Variants in GINM1 observed in about 807,000 individuals in gnomAD.
GINM1 encodes glycosylated integral membrane protein 1, also known as glycoprotein integral membrane protein 1.
Under a neutral mutation model 37.8 loss-of-function variants are expected in GINM1, and 29 were observed. That is an observed-to-expected ratio of 0.77 (90% CI 0.57 to 1.05). The LOEUF (loss-of-function observed/expected upper bound fraction) is 1.05. GINM1 is among the 50% of genes least tolerant of loss of function. GINM1 has a pLI of 0.00. For missense variants in GINM1, 377 were observed against 397.9 expected, an observed-to-expected ratio of 0.95 and a Z score of 0.45; for synonymous variants, 143 against 146.2, an observed-to-expected ratio of 0.98 and a Z score of 0.16.
rs879585006 is a variant in GINM1, at chr6:149,570,188, A to G, written c.121-2097A>G. ...TATATATATATATATATATATATAT[A>G]TATATATATAAAGTTCAGTAACTTG... On this transcript the variant is annotated intron_variant, in intron 1 of 7. Coordinates refer to ENST00000367419, the MANE Select transcript of GINM1 (RefSeq NM_138785.5). Among the ~76,000 whole-genome samples the G allele has an allele frequency of 1.2e-3, 111 of 93,002 alleles. 11 individuals carry two copies. The highest frequency in any genetic ancestry group is 7.4e-3 in the Admixed American group (61 of 8,214). 61.0% of individuals were successfully genotyped at this position (93,002 alleles called of 152,430 possible).
At chr6:149,570,255 A>C (rs1010945598) in intron 1 of GINM1, among the ~76,000 whole-genome samples, 2 of 143,174 alleles carry the variant, frequency 1.4e-5, no homozygotes, top group Admixed American at 1.4e-4. Context: ...GAAGCTATAA[A>C]ATGGTTTCCT....
At chr6:149,572,242 G>A in intron 1 of GINM1, 43 bp from the exon 2 acceptor site, 1 of 1,202,438 alleles carries the variant, frequency 8.3e-7, no homozygotes, top group Non-Finnish European at 1.2e-6. Flanking sequence ...TTCTCAATCT[G>A]TGAGATGCAC....
At chr6:149,575,142 T>C (rs531637697) in intron 3 of GINM1, among the ~76,000 whole-genome samples, 1 of 152,320 alleles carries the variant, frequency 6.6e-6, no homozygotes, top group South Asian at 2.1e-4. Flanking sequence ...TGGTTGGAAT[T>C]TCAAGTTCCA....
At chr6:149,588,060 T>C (rs1040664284) in intron 7 of GINM1, among the ~76,000 whole-genome samples, 2 of 152,346 alleles carry the variant, frequency 1.3e-5, no homozygotes, top group Admixed American at 6.5e-5. Context: ...TAATTTCCAA[T>C]TTCATGTTAA....
intron 3 of GINM1, among the ~76,000 whole-genome samples, chr6:149,574,211 C>T (rs1000466032): frequency 1.5e-4 from 23 of 151,746 alleles, no homozygotes; most frequent in African/African-American, 3.9e-4. Context: ...CCACCATGCC[C>T]GGCTAATTTT....
At chr6:149,575,615 T>C (rs1224071448) in intron 3 of GINM1, among the ~76,000 whole-genome samples, 1 of 152,174 alleles carries the variant, frequency 6.6e-6, no homozygotes, top group Non-Finnish European at 1.5e-5. Context: ...TGGCTGTCTT[T>C]AGCTTCTGAT....
At chr6:149,572,629 A>G in intron 3 of GINM1, 26 bp downstream of exon 3, 1 of 1,248,446 alleles carries the variant, frequency 8.0e-7, no homozygotes, top group Non-Finnish European at 1.2e-6. Flanking sequence ...TTATTTCCAT[A>G]ATTGCTCTGT....
At chr6:149,570,143 TATATATATATATATATATATATATATATA>T (rs1777791037) in intron 1 of GINM1, among the ~76,000 whole-genome samples, 2 of 8,424 alleles carry the variant, frequency 2.4e-4, no homozygotes, top group African/African-American at 3.4e-4. Flanking sequence ...GTTTTATATA[TATATATATATATATATATATATATATATA>T]TATATATATA....
intron 7 of GINM1, among the ~76,000 whole-genome samples, chr6:149,585,686 G>A (rs532124221): frequency 1.3e-5 from 2 of 152,050 alleles, no homozygotes; most frequent in African/African-American, 2.4e-5. Flanking sequence ...TCCACCTCCC[G>A]GGTTCATGCC....
intron 6 of GINM1, chr6:149,582,090 C>T (rs1349032436): frequency 4.2e-6 from 2 of 476,784 alleles, no homozygotes; most frequent in Non-Finnish European, 8.7e-6. Flanking sequence ...TGCTCCATTT[C>T]GTTTATAATG....
In GINM1 at chr6:149,566,506, AGCC is replaced by A. The variant is rs1207728457; in HGVS notation, c.101_103del (p.Pro34del). On this transcript the variant is annotated inframe_deletion, in exon 1 of 8. Transcript: ENST00000367419. This position sits in a 1 kb window ranked among gnomAD's most constrained non-coding sequence, Gnocchi z 4.4. ...GGCTGGCTGACGACGGGCGCCCCCG[AGCC>A]GCCGCCGCTGTCCGGAGCCCCACAG... The A allele has an allele frequency of 2.6e-6, 4 of 1,533,230 alleles. No homozygotes were observed. Among genetic ancestry groups the A allele is most frequent in the Admixed American group, 2.0e-5 (1 of 50,970 alleles). The allele number at this position is 1,533,230 out of a possible 1,614,324, so 95.0% of individuals were successfully genotyped here. A position where few individuals can be genotyped will look rare whatever the true frequency, so the allele number is the denominator to read the frequency against.
chr6:149,580,749 TA>T (rs760959034), intron 6 of GINM1, 26 bp downstream of exon 6: 2 of 1,602,958 alleles, frequency 1.2e-6, no homozygotes, highest in Middle Eastern at 3.3e-4. Context: ...GGTGTTATCA[TA>T]AGCATTCATG....
At position 149,572,273 on chromosome 6, in the gene GINM1, C is replaced by G. The variant is rs1329421644; in HGVS notation, c.121-12C>G. ...TGCACACCTTCCAATTTACACAATA[C>G]TTGTTTTACAGGACGGCATCAGAAT... On this transcript the variant is annotated splice_polypyrimidine_tract_variant and intron_variant, in intron 1 of 7. Coordinates refer to ENST00000367419, the MANE Select transcript of GINM1 (RefSeq NM_138785.5). The G allele has an allele frequency of 6.4e-7, 1 of 1,560,488 alleles. No homozygotes were observed. The highest frequency in any genetic ancestry group is 8.7e-7 in the Non-Finnish European group (1 of 1,143,980).
chr6:149,590,386 TG>T (rs1778136326), intron 7 of GINM1, among the ~76,000 whole-genome samples: 1 of 152,194 alleles, frequency 6.6e-6, no homozygotes, highest in South Asian at 2.1e-4. Context: ...GGTTGTGTTG[TG>T]GTGGTGAGTA....
rs747726414 is a variant in GINM1, at chr6:149,580,626, A to G, written c.620A>G (p.Tyr207Cys). Residue 207 changes from tyrosine (Y) to cysteine (C), a missense_variant, in exon 6 of 8, where the codon TAT becomes TGT. Tyr to Cys is a radical substitution (Grantham distance 194, BLOSUM62 -2). Transcript: ENST00000367419. ...AGTTCACTGCAAACCACTAGCCAGT[A>G]TCTTATCAGGAATGTGGAAACCACT... ...SVSSLQTTSQ[Y>C]LIRNVETTVD... 1 of 1,613,746 alleles carries G rather than the reference A, an allele frequency of 6.2e-7. No individual in the cohort carries two copies. Among genetic ancestry groups the G allele is most frequent in the Non-Finnish European group, 8.5e-7 (1 of 1,179,842 alleles).
At chr6:149,569,846 G>T (rs1357325519) in intron 1 of GINM1, among the ~76,000 whole-genome samples, 1 of 151,896 alleles carries the variant, frequency 6.6e-6, no homozygotes, top group African/African-American at 2.4e-5. Context: ...TAGAAGAATT[G>T]AAGATTTTTA....
chr6:149,587,295 T>C (rs1439340037), intron 7 of GINM1, among the ~76,000 whole-genome samples: 2 of 152,176 alleles, frequency 1.3e-5, no homozygotes, highest in African/African-American at 4.8e-5. Context: ...GGACACCAGC[T>C]GGGTGTCCTC....
At chr6:149,589,854 A>G (rs1778129061) in intron 7 of GINM1, among the ~76,000 whole-genome samples, 1 of 152,006 alleles carries the variant, frequency 6.6e-6, no homozygotes, top group Non-Finnish European at 1.5e-5. Flanking sequence ...GCGGCAGTGC[A>G]GTGGCACGAT....
intron 3 of GINM1, chr6:149,576,303 T>C (rs892893196): frequency 8.5e-5 from 13 of 152,170 alleles, no homozygotes; most frequent in African/African-American, 2.7e-4. Context: ...AAGCTCCCCA[T>C]AGAGCATCTC....
Sources: allele counts gnomAD v4.1 joint callset (sites outside exome capture counted in the v4.1 genomes callset), GRCh38; gene constraint gnomAD v4.1.1; non-coding constraint Gnocchi (gnomAD v3.1); transcripts MANE v1.5; gene names NCBI Gene and HGNC (gene_info 2026-07-23, HGNC 2026-07-21).